The following CFTR variants were observed in gnomAD, a reference collection of about 807,000 sequenced individuals.
The protein encoded by CFTR is cystic fibrosis transmembrane conductance regulator.
In CFTR, 181 loss-of-function variants were observed where a neutral mutation model predicts 171.6. The observed-to-expected ratio is 1.05, with a 90% confidence interval of 0.93 to 1.19. The LOEUF (loss-of-function observed/expected upper bound fraction) is 1.19. CFTR is among the 50% of genes most tolerant of loss of function. CFTR has a pLI of 0.00. For synonymous variants in CFTR, 583 were observed against 608.0 expected (o/e 0.96, Z 0.60); for missense variants, 1,968 against 1,734.7 (o/e 1.13, Z -2.39).
At chr7:117,573,114 A>G (rs1791720558) in intron 11 of CFTR, among the ~76,000 whole-genome samples, 1 of 151,744 alleles carries the variant, frequency 6.6e-6, no homozygotes, top group African/African-American at 2.4e-5. Flanking sequence ...TGCCCTTTGT[A>G]TGTGCAAATC....
At chr7:117,519,503 G>A (rs1395863421) in intron 3 of CFTR, among the ~76,000 whole-genome samples, 1 of 151,774 alleles carries the variant, frequency 6.6e-6, no homozygotes, top group Non-Finnish European at 1.5e-5. Context: ...TCCATTTTTT[G>A]TATGCATGTT....
chr7:117,586,512 A>G (rs762853016), intron 11 of CFTR: 9 of 152,172 alleles, frequency 5.9e-5, no homozygotes, highest in Admixed American at 2.0e-4. Context: ...GGTTCTTAAT[A>G]TAAATTACTA....
chr7:117,520,196 C>G (rs1427255433), intron 3 of CFTR, among the ~76,000 whole-genome samples: 3 of 146,628 alleles, frequency 2.0e-5, no homozygotes, highest in African/African-American at 7.5e-5. Context: ...TTGTATTTGT[C>G]TCTTTCTTGA....
intron 22 of CFTR, among the ~76,000 whole-genome samples, chr7:117,631,185 A>G (rs1408450011): frequency 1.3e-5 from 2 of 152,082 alleles, no homozygotes; most frequent in Non-Finnish European, 2.9e-5. Context: ...GAAAACTCAG[A>G]TAATCCAGGT....
intron 22 of CFTR, among the ~76,000 whole-genome samples, chr7:117,637,732 C>T (rs1282393801): frequency 6.6e-6 from 1 of 152,050 alleles, no homozygotes; most frequent in Non-Finnish European, 1.5e-5. Context: ...CAAAAATCAG[C>T]CAGGTGTGGT....
chr7:117,493,078 G>A (rs922898157), intron 1 of CFTR, among the ~76,000 whole-genome samples: 5 of 151,966 alleles, frequency 3.3e-5, no homozygotes, highest in Middle Eastern at 3.2e-3. Flanking sequence ...CTGGCACAGC[G>A]TTTCCTTTAA....
At chr7:117,636,462 A>G (rs1374130156) in intron 22 of CFTR, among the ~76,000 whole-genome samples, 1 of 151,732 alleles carries the variant, frequency 6.6e-6, no homozygotes, top group Non-Finnish European at 1.5e-5. Flanking sequence ...CTCAGTCATT[A>G]TTGCTTCAAA....
At position 117,612,004 on chromosome 7, in the gene CFTR, C is replaced by T. The variant is rs28449716; in HGVS notation, c.3367+196C>T. Among the ~76,000 whole-genome samples, 8,756 of 61,880 alleles carry T rather than the reference C, an allele frequency of 0.14. 639 individuals are homozygous for T. The highest frequency in any genetic ancestry group is 0.3 in the African/African-American group (5,125 of 16,892). 40.6% of individuals were successfully genotyped at this position (61,880 alleles called of 152,430 possible). On this transcript the variant is annotated intron_variant, in intron 20 of 26. Transcript: ENST00000003084. ...GTTAAACAAATAATTTCCTTGAAAT[C>T]GGATATATATATATATATGTATATA...
intron 1 of CFTR, among the ~76,000 whole-genome samples, chr7:117,500,623 T>A (rs1321125616): frequency 6.6e-6 from 1 of 152,146 alleles, no homozygotes; most frequent in Non-Finnish European, 1.5e-5. Flanking sequence ...ATTTTATTGA[T>A]TTAACCTCAC....
intron 1 of CFTR, among the ~76,000 whole-genome samples, chr7:117,497,712 A>G (rs1242009420): frequency 6.6e-6 from 1 of 152,186 alleles, no homozygotes; most frequent in African/African-American, 2.4e-5. Context: ...GTGTGAGACA[A>G]CCATGTTGAG....
intron 24 of CFTR, among the ~76,000 whole-genome samples, chr7:117,654,205 T>G (rs1327100028): frequency 6.6e-6 from 1 of 152,150 alleles, no homozygotes; most frequent in Non-Finnish European, 1.5e-5. Context: ...GGTCTGGGAT[T>G]GCATAGGTGG....
chr7:117,590,185 T>A (rs1193627086), intron 12 of CFTR, among the ~76,000 whole-genome samples, 168 bp from the exon 13 acceptor site: 2 of 151,992 alleles, frequency 1.3e-5, no homozygotes, highest in Non-Finnish European at 2.9e-5. Flanking sequence ...AGTAAAAACA[T>A]GTATAAAAGT....
chr7:117,559,026 T>C (rs1490089977), intron 10 of CFTR, among the ~76,000 whole-genome samples: 1 of 152,222 alleles, frequency 6.6e-6, no homozygotes, highest in Non-Finnish European at 1.5e-5. Flanking sequence ...TATGTCTCTA[T>C]TACTTAATCT....
At chr7:117,607,104 C>T (rs542260039) in intron 18 of CFTR, among the ~76,000 whole-genome samples, 1 of 152,036 alleles carries the variant, frequency 6.6e-6, no homozygotes, top group African/African-American at 2.4e-5. Context: ...CAACCTCCCC[C>T]CAAAAGGCCT....
intron 10 of CFTR, among the ~76,000 whole-genome samples, chr7:117,550,890 T>A (rs1026653451): frequency 3.3e-5 from 5 of 152,232 alleles, no homozygotes; most frequent in African/African-American, 1.2e-4. Context: ...TAACTCAATC[T>A]AGGAGGCTGC....
chr7:117,596,052 G>T (rs537790050), intron 15 of CFTR, among the ~76,000 whole-genome samples: 1 of 152,212 alleles, frequency 6.6e-6, no homozygotes, highest in African/African-American at 2.4e-5. Context: ...CTGGCTGTGC[G>T]TGAGGAGCCC....
Position 117,667,278 on chromosome 7 carries a change from T to C in CFTR, c.*170T>C. ...ATTTGGTAAGGGGAATTGAGGACACTGATATGGGTCTTGATAAATGGCTTC... is the reference window on the plus strand; with the variant it reads ...ATTTGGTAAGGGGAATTGAGGACACCGATATGGGTCTTGATAAATGGCTTC... On this transcript the variant is annotated 3_prime_UTR_variant, in exon 27 of 27. Transcript: ENST00000003084. The C allele has an allele frequency of 1.5e-6, 1 of 675,132 alleles. No individual in the cohort carries two copies. Among genetic ancestry groups the C allele is most frequent in the South Asian group, 1.6e-5 (1 of 62,274 alleles). 41.8% of individuals were successfully genotyped at this position (675,132 alleles called of 1,614,324 possible).
At chr7:117,587,212 A>C (rs1791949225) in intron 11 of CFTR, among the ~76,000 whole-genome samples, 1 of 152,068 alleles carries the variant, frequency 6.6e-6, no homozygotes, top group African/African-American at 2.4e-5. Flanking sequence ...AGTTGGGAGG[A>C]TAGGTGACAG....
chr7:117,522,726 TACCAAGAATATAGGG>T (rs1270851541), intron 3 of CFTR, among the ~76,000 whole-genome samples: 1 of 152,194 alleles, frequency 6.6e-6, no homozygotes, highest in African/African-American at 2.4e-5. Context: ...AGCTTTCTTG[TACCAAGAATATAGGG>T]ACTATGTTTC....
Sources: gnomAD v4.1 joint callset for allele counts (sites outside exome capture counted in the v4.1 genomes callset) on GRCh38, gnomAD v4.1.1 for gene constraint, MANE v1.5 for transcripts, NCBI Gene and HGNC (gene_info 2026-07-23, HGNC 2026-07-21) for gene names.